Variants in ULK2 observed in about 807,000 individuals in gnomAD.
ULK2 encodes unc-51 like autophagy activating kinase 2, also known as serine/threonine-protein kinase ULK2.
In ULK2, 76 loss-of-function variants were observed where a neutral mutation model predicts 127.5. The observed-to-expected ratio is 0.60, with a 90% CI of 0.50 to 0.72. ULK2 has a LOEUF of 0.72. Among genes scored for constraint, ULK2 ranks in the 30% least tolerant of loss-of-function variants. ULK2 has a pLI of 0.00. For synonymous variants in ULK2, 452 were observed against 461.9 expected (o/e 0.98, Z 0.28); for missense variants, 1,144 against 1,295.9 (o/e 0.88, Z 1.80).
chr17:19,864,885 A>C, intron 2 of ULK2, 41 bp from the exon 3 acceptor site: 1 of 982,074 alleles, frequency 1.0e-6, no homozygotes, highest in Non-Finnish European at 1.4e-6. Flanking sequence ...TAAGTATTCT[A>C]ATGACTTTAC....
At chr17:19,800,219 C>T (rs1482813589) in intron 16 of ULK2, among the ~76,000 whole-genome samples, 1 of 152,204 alleles carries the variant, frequency 6.6e-6, no homozygotes, top group African/African-American at 2.4e-5. Context: ...CCTGCTCCTC[C>T]CCTTCATTCT....
intron 6 of ULK2, 79 bp downstream of exon 6, chr17:19,846,658 C>A: frequency 1.4e-6 from 2 of 1,412,634 alleles, no homozygotes; most frequent in East Asian, 2.5e-5. Context: ...AAAAAAAATC[C>A]ATCATTCAAC....
rs1487688206 is a variant in ULK2, at chr17:19,773,051, T to C, written c.*3298A>G. 1 of 151,808 alleles carries C rather than the reference T, an allele frequency of 6.6e-6. No individual in the cohort carries two copies. Among genetic ancestry groups the C allele is most frequent in the Non-Finnish European group, 1.5e-5 (1 of 68,100 alleles). The allele number at this position is 151,808 out of a possible 1,614,324, so 9.4% of individuals were successfully genotyped here. A position where few individuals can be genotyped will look rare whatever the true frequency, so the allele number is the denominator to read the frequency against. ...TGGCTCATGCCTGTAATCCCAGCACTTGGGGAGGCTGAGGCTGGTGTTCAA... is the reference window on the plus strand; with the variant it reads ...TGGCTCATGCCTGTAATCCCAGCACCTGGGGAGGCTGAGGCTGGTGTTCAA... On this transcript the variant is annotated 3_prime_UTR_variant, in exon 27 of 27. Transcript: ENST00000395544.
At chr17:19,784,377 G>T (rs991268018) in intron 21 of ULK2, among the ~76,000 whole-genome samples, 2 of 151,954 alleles carry the variant, frequency 1.3e-5, no homozygotes, top group Non-Finnish European at 2.9e-5. Flanking sequence ...CTCTGAAGTG[G>T]TATAAGAAGG....
intron 3 of ULK2, among the ~76,000 whole-genome samples, chr17:19,857,179 C>T (rs1018078079): frequency 2.0e-5 from 3 of 151,090 alleles, no homozygotes; most frequent in Admixed American, 2.0e-4. Flanking sequence ...GGTGGCGGGG[C>T]GCCTGTAATC....
At chr17:19,783,346 G>T (rs191382938) in intron 22 of ULK2, among the ~76,000 whole-genome samples, 1 of 151,912 alleles carries the variant, frequency 6.6e-6, no homozygotes, top group East Asian at 1.9e-4. Flanking sequence ...AGCTACTCGT[G>T]GGGGCTGAGG....
intron 21 of ULK2, 190 bp from the exon 22 acceptor site, chr17:19,784,095 G>A (rs2086977692): frequency 4.7e-6 from 2 of 428,630 alleles, no homozygotes; most frequent in Admixed American, 8.9e-5. Flanking sequence ...GTTATTCCTT[G>A]TCTATATATT....
chr17:19,843,310 C>G, intron 7 of ULK2, 88 bp from the exon 8 acceptor site: 1 of 807,006 alleles, frequency 1.2e-6, no homozygotes, highest in South Asian at 2.1e-5. Flanking sequence ...GGTGACACTT[C>G]TAACAAACTA....
intron 20 of ULK2, among the ~76,000 whole-genome samples, chr17:19,787,758 G>A (rs961641931): frequency 6.6e-6 from 1 of 152,286 alleles, no homozygotes. Context: ...CAAAAATCAG[G>A]TGAGTAATCA....
At chr17:19,827,441 C>T (rs528020668) in intron 10 of ULK2, among the ~76,000 whole-genome samples, 1 of 152,296 alleles carries the variant, frequency 6.6e-6, no homozygotes, top group East Asian at 1.9e-4. Flanking sequence ...AACCAAAATC[C>T]TGGAGTATAT....
At chr17:19,815,591 T>C (rs560032243) in intron 13 of ULK2, among the ~76,000 whole-genome samples, 64 of 152,332 alleles carry the variant, frequency 4.2e-4, no homozygotes, top group African/African-American at 1.5e-3. Flanking sequence ...ACTTATGGCA[T>C]TATATATATT....
rs60058833 is a variant in ULK2 at position 19,839,964 on chromosome 17, T to TACACAC, written c.705-1387_705-1382dup. Among the ~76,000 whole-genome samples the TACACAC allele has an allele frequency of 3.7e-3, 550 of 147,696 alleles. 3 individuals carry two copies. Among genetic ancestry groups the TACACAC allele is most frequent in the African/African-American group, 0.013 (523 of 40,628 alleles). ...ACATACACAAAGGAGTACACACACA[T>TACACAC]ACACACACACACACACACACACACT... On this transcript the variant is annotated intron_variant, in intron 9 of 26. Transcript: ENST00000395544.
chr17:19,840,015 A>C (rs1177795398), intron 9 of ULK2: 3 of 292,470 alleles, frequency 1.0e-5, no homozygotes, highest in African/African-American at 6.7e-5. Context: ...TGCAGTAACC[A>C]AAAAAATGAA....
chr17:19,858,324 C>A lies in ULK2; in HGVS notation c.225+6479G>T, dbSNP rs1165245821. Among the ~76,000 whole-genome samples, 16 of 151,904 alleles carry A rather than the reference C, an allele frequency of 1.1e-4. No individual in the cohort carries two copies. In the South Asian group the frequency reaches 3.3e-3, roughly 32 times the overall value. The stretch of plus-strand genomic sequence containing the variant: ...CTGAGGTGGGAGGATGGCTTAAGCC[C>A]AAAGGGTGGAGGCTGCAGTGAGGTG... On this transcript the variant is annotated intron_variant, in intron 3 of 26. Coordinates refer to ENST00000395544, the MANE Select transcript of ULK2 (RefSeq NM_014683.4).
chr17:19,826,368 T>G (rs2041297231), intron 10 of ULK2, among the ~76,000 whole-genome samples, 182 bp from the exon 11 acceptor site: 1 of 152,080 alleles, frequency 6.6e-6, no homozygotes, highest in African/African-American at 2.4e-5. Context: ...AAATAATTAT[T>G]TTTATAATCA....
chr17:19,853,135 T>G (rs558330178), intron 3 of ULK2, among the ~76,000 whole-genome samples: 1 of 141,750 alleles, frequency 7.1e-6, no homozygotes, highest in African/African-American at 2.6e-5. Context: ...TTAAATTTTT[T>G]TAATTTTTTT....
chr17:19,836,864 C>T (rs2041611197), intron 10 of ULK2, among the ~76,000 whole-genome samples: 1 of 152,134 alleles, frequency 6.6e-6, no homozygotes, highest in Non-Finnish European at 1.5e-5. Context: ...AAGATCATGC[C>T]ACTGCACTCC....
chr17:19,844,557 A>T (rs2041835795), intron 7 of ULK2, among the ~76,000 whole-genome samples: 1 of 151,938 alleles, frequency 6.6e-6, no homozygotes, highest in South Asian at 2.1e-4. Context: ...TAATTTTAAA[A>T]TTTATATAAA....
chr17:19,825,581 C>T (rs1270782088), intron 11 of ULK2, among the ~76,000 whole-genome samples: 1 of 151,104 alleles, frequency 6.6e-6, no homozygotes, highest in Non-Finnish European at 1.5e-5. Context: ...GTGGTAGTGC[C>T]CGCCTGTAAT....
Sources: allele counts gnomAD v4.1 joint callset (sites outside exome capture counted in the v4.1 genomes callset), GRCh38; gene constraint gnomAD v4.1.1; transcripts MANE v1.5; gene names NCBI Gene and HGNC (gene_info 2026-07-23, HGNC 2026-07-21).